The following TNIP3 variants were observed in gnomAD, a reference collection of about 807,000 sequenced individuals.
The protein encoded by TNIP3 is TNFAIP3-interacting protein 3.
TNIP3 carries 34 observed loss-of-function variants against 54.1 expected under a neutral mutation model. The ratio of observed to expected loss-of-function variants is 0.63; its 90% CI spans 0.48 to 0.84. TNIP3 has a LOEUF of 0.84. Ranked by LOEUF, TNIP3 falls within the 40% of genes least tolerant of loss-of-function variation. The pLI is 0.00. For missense variants in TNIP3, 366 were observed against 387.6 expected, an observed-to-expected ratio of 0.94 and a Z score of 0.47; for synonymous variants, 134 against 136.8, an observed-to-expected ratio of 0.98 and a Z score of 0.14.
chr4:121,202,243 A>C (rs1725932565), intron 2 of TNIP3, among the ~76,000 whole-genome samples: 1 of 152,124 alleles, frequency 6.6e-6, no homozygotes, highest in African/African-American at 2.4e-5. Context: ...AGAATAGAGA[A>C]CCCAGCAATA....
chr4:121,221,445 T>C (rs1010002829), upstream of TNIP3, among the ~76,000 whole-genome samples: 4 of 152,158 alleles, frequency 2.6e-5, no homozygotes, highest in Admixed American at 1.3e-4. Flanking sequence ...AAAACAGCAA[T>C]AAAAGATTTC....
At chr4:121,175,284 A>T (rs1724243139) in intron 3 of TNIP3, among the ~76,000 whole-genome samples, 1 of 152,252 alleles carries the variant, frequency 6.6e-6, no homozygotes, top group Non-Finnish European at 1.5e-5. Flanking sequence ...TCCAAAAGTA[A>T]GGATAATACC....
intron 1 of TNIP3, 99 bp from the exon 2 acceptor site, chr4:121,161,315 T>C (rs1730439375): frequency 2.0e-6 from 2 of 989,912 alleles, no homozygotes; most frequent in Non-Finnish European, 1.4e-6. Context: ...CCAACTCTCC[T>C]GTTGCGATTT....
rs1221040287 is a variant in TNIP3, at chr4:121,191,674, G to A, written c.69-8878C>T. 3.3e-5 allele frequency among the ~76,000 whole-genome samples: 5 copies of A among 152,270 alleles called. No homozygotes were observed. In the South Asian group the frequency reaches 1.0e-3, roughly 32 times the overall value. The stretch of plus-strand genomic sequence containing the variant: ...GTGACATTCTCTAGGAATATGAGAA[G>A]ACTAAATTTTGAGTCATGTCTAATA... On this transcript the variant is annotated intron_variant, in intron 2 of 12. Transcript: ENST00000507879.
At chr4:121,175,526 T>C (rs1362001648) in intron 3 of TNIP3, among the ~76,000 whole-genome samples, 1 of 152,194 alleles carries the variant, frequency 6.6e-6, no homozygotes, top group Non-Finnish European at 1.5e-5. Context: ...ACTGCTGTGT[T>C]CACTAAGGCA....
chr4:121,164,337 G>C, upstream of TNIP3: 1 of 1,320,048 alleles, frequency 7.6e-7, no homozygotes, highest in Non-Finnish European at 9.7e-7. Context: ...TATAAGCACT[G>C]CAACTGGGAT....
intron 3 of TNIP3, among the ~76,000 whole-genome samples, chr4:121,179,611 G>GA (rs1368789209): frequency 2.0e-5 from 3 of 152,082 alleles, no homozygotes; most frequent in Non-Finnish European, 4.4e-5. Context: ...TGAAGAAAAG[G>GA]AAAAAAGTCC....
Position 121,132,299 on chromosome 4 carries a change from T to C in TNIP3, c.*332A>G, listed in dbSNP as rs1232726288. On this transcript the variant is annotated 3_prime_UTR_variant, in exon 11 of 11. Coordinates refer to ENST00000057513, the MANE Select transcript of TNIP3 (RefSeq NM_024873.6). ...CAATATCCCTGCAGCAAACACTGAG[T>C]TGCCTAAATCATAGAATCATTTTTG... The C allele has an allele frequency of 3.6e-6, 1 of 276,624 alleles. No individual in the cohort carries two copies. Among genetic ancestry groups the C allele is most frequent in the African/African-American group, 2.2e-5 (1 of 44,794 alleles). 17.1% of individuals were successfully genotyped at this position (276,624 alleles called of 1,614,324 possible).
At chr4:121,141,422 C>A (rs1259394444) in intron 9 of TNIP3, among the ~76,000 whole-genome samples, 2 of 152,166 alleles carry the variant, frequency 1.3e-5, no homozygotes, top group Non-Finnish European at 2.9e-5. Flanking sequence ...GTAGCAATAT[C>A]CATAGTAGTT....
chr4:121,217,063 AT>A (rs1726828767), upstream of TNIP3, among the ~76,000 whole-genome samples: 2 of 152,220 alleles, frequency 1.3e-5, no homozygotes, highest in South Asian at 2.1e-4. Context: ...TTTGTTTCTC[AT>A]TTTTTAAATT....
chr4:121,141,834 C>G lies in TNIP3; in HGVS notation c.867G>C (p.Gln289His), dbSNP rs750126978. ...PWVPTGPGAV[Q>H]KQREHPPDYQ... ...TACTTACTGGGTGCTCCCGTTGCTT[C>G]TGCACAGCTCCAGGGCCTGTTGGTA... Residue 289 changes from glutamine to histidine, a missense_variant, in exon 9 of 11, where the codon CAG becomes CAC. Coordinates refer to ENST00000057513, the MANE Select transcript of TNIP3 (RefSeq NM_024873.6). 3 of 1,573,268 alleles carry G rather than the reference C, an allele frequency of 1.9e-6. No individual in the cohort carries two copies. The highest frequency in any genetic ancestry group is 2.6e-6 in the Non-Finnish European group (3 of 1,159,774).
chr4:121,148,789 C>A (rs1729573637), intron 6 of TNIP3, among the ~76,000 whole-genome samples: 1 of 152,160 alleles, frequency 6.6e-6, no homozygotes, highest in Admixed American at 6.5e-5. Context: ...AATCATAACA[C>A]AATTGCTGAA....
intron 2 of TNIP3, among the ~76,000 whole-genome samples, chr4:121,210,781 G>T (rs1404973061): frequency 6.6e-6 from 1 of 152,078 alleles, no homozygotes; most frequent in Non-Finnish European, 1.5e-5. Flanking sequence ...CCACCCTTAT[G>T]ACTTCACTTA....
chr4:121,147,661 T>C (rs1729510512), intron 6 of TNIP3, among the ~76,000 whole-genome samples: 1 of 152,234 alleles, frequency 6.6e-6, no homozygotes. Flanking sequence ...TTATTGTTAC[T>C]GTTTTCAACT....
chr4:121,208,511 C>T (rs1464281558), intron 2 of TNIP3, among the ~76,000 whole-genome samples: 1 of 152,182 alleles, frequency 6.6e-6, no homozygotes, highest in Non-Finnish European at 1.5e-5. Context: ...TCCCAATCCC[C>T]TACTCATCAA....
chr4:121,204,033 C>T (rs1726046645), intron 2 of TNIP3, among the ~76,000 whole-genome samples: 1 of 151,186 alleles, frequency 6.6e-6, no homozygotes, highest in Non-Finnish European at 1.5e-5. Flanking sequence ...GGTTATTTTG[C>T]ATTTATGAAA....
In TNIP3 at chr4:121,150,181, G is replaced by A. The variant is rs541971404; in HGVS notation, c.531C>T (p.Ser177=). 58 of 1,613,338 alleles carry A rather than the reference G, an allele frequency of 3.6e-5. No individual in the cohort carries two copies. The highest frequency in any genetic ancestry group is 3.3e-4 in the Middle Eastern group (2 of 6,082). The change falls in exon 6 of 11, where the codon TCC becomes TCT. Residue 177 remains serine, a synonymous_variant. Transcript: ENST00000057513. ...QDALNIKCSF[S]EDCLRKSRVE... ...CTCGAGACTTCCTCAAACAGTCCTC[G>A]GAAAATGAACACTTGATATTCAAGG... is the stretch of plus-strand genomic sequence containing the variant.
rs771563081 is a variant in TNIP3 at position 121,157,081 on chromosome 4, G to C, written c.363+13C>G. The C allele has an allele frequency of 9.3e-6, 15 of 1,612,854 alleles. No individual in the cohort carries two copies. On this transcript the variant is annotated intron_variant, in intron 4 of 10. Coordinates refer to ENST00000057513, the MANE Select transcript of TNIP3 (RefSeq NM_024873.6). ...TTGGATCCTCCGGGCTCGAGGACCC[G>C]GGCCCCGCCCACCTCCTCCCGCTGC...
intron 1 of TNIP3, among the ~76,000 whole-genome samples, chr4:121,163,124 C>A (rs1394413514): frequency 7.4e-6 from 1 of 134,926 alleles, no homozygotes; most frequent in Non-Finnish European, 1.6e-5. Flanking sequence ...TTTTGAAATT[C>A]ATAAGTAATA....
Sources: gnomAD v4.1 joint callset for allele counts (sites outside exome capture counted in the v4.1 genomes callset) on GRCh38, gnomAD v4.1.1 for gene constraint, MANE v1.5 for transcripts, NCBI Gene and HGNC (gene_info 2026-07-23, HGNC 2026-07-21) for gene names.